The following DPP10 variants were observed in gnomAD, a reference collection of about 807,000 sequenced individuals.
DPP10 encodes the protein dipeptidyl peptidase like 10.
DPP10 carries 33 observed loss-of-function variants against 120.9 expected under a neutral mutation model. The observed-to-expected ratio is 0.27, with a 90% confidence interval of 0.21 to 0.37. The LOEUF (loss-of-function observed/expected upper bound fraction) is 0.37, where lower values mean the gene tolerates loss of function less well. Ranked by LOEUF, DPP10 falls within the 10% of genes least tolerant of loss-of-function variation. The probability of loss-of-function intolerance (pLI) is 1.00; values close to 1 mark genes in which losing one functional copy is unlikely to be tolerated. For missense variants in DPP10, 816 were observed against 942.8 expected (o/e 0.87, Z 1.76); for synonymous variants, 337 against 326.1 (o/e 1.03, Z -0.36).
At chr2:115,169,730 T>C (rs2053173979) in intron 1 of DPP10, among the ~76,000 whole-genome samples, 1 of 152,152 alleles carries the variant, frequency 6.6e-6, no homozygotes. Flanking sequence ...GAGTGCATAA[T>C]CAAAACCGAC....
At chr2:114,698,540 G>C (rs1559014550) in intron 1 of DPP10, among the ~76,000 whole-genome samples, 1 of 152,090 alleles carries the variant, frequency 6.6e-6, no homozygotes, top group East Asian at 1.9e-4. Context: ...CAATACAGGA[G>C]GGTCAAGGGG....
intron 1 of DPP10, among the ~76,000 whole-genome samples, chr2:114,649,892 A>G (rs1030051375): frequency 3.9e-5 from 6 of 151,934 alleles, no homozygotes; most frequent in African/African-American, 1.5e-4. Flanking sequence ...TGGATTCTCT[A>G]TGTTTTCCAC....
At chr2:115,623,721 TGAG>T (rs1199715458) in intron 5 of DPP10, among the ~76,000 whole-genome samples, 1 of 152,216 alleles carries the variant, frequency 6.6e-6, no homozygotes, top group Non-Finnish European at 1.5e-5. Context: ...TCTGTAGTTC[TGAG>T]GAGGAGACTC....
intron 1 of DPP10, among the ~76,000 whole-genome samples, chr2:115,142,653 C>T (rs1413584238): frequency 1.3e-5 from 2 of 152,170 alleles, no homozygotes; most frequent in Non-Finnish European, 2.9e-5. Context: ...GCTTCTTTGG[C>T]TTCTTAGGCT....
At chr2:114,671,809 T>C (rs1340329848) in intron 1 of DPP10, among the ~76,000 whole-genome samples, 1 of 152,158 alleles carries the variant, frequency 6.6e-6, no homozygotes, top group Non-Finnish European at 1.5e-5. Flanking sequence ...CATTGGTTTC[T>C]AGTTTCTTGT....
At chr2:115,167,415 A>C (rs1339279271) in intron 1 of DPP10, among the ~76,000 whole-genome samples, 1 of 151,646 alleles carries the variant, frequency 6.6e-6, no homozygotes, top group Non-Finnish European at 1.5e-5. Context: ...CAAACAAACA[A>C]AAAACAAAAA....
chr2:114,618,257 C>G (rs17715765), intron 1 of DPP10, among the ~76,000 whole-genome samples: 5,645 of 151,926 alleles, frequency 0.037, 180 homozygotes, highest in Middle Eastern at 0.061. Flanking sequence ...TGTTGAAATA[C>G]CAGACTTGAT....
chr2:115,016,203 T>C (rs1171549997), intron 1 of DPP10, among the ~76,000 whole-genome samples: 2 of 152,082 alleles, frequency 1.3e-5, no homozygotes, highest in East Asian at 3.9e-4. Context: ...TAATGCCACA[T>C]ATCTACAACC....
At chr2:114,581,542 A>G (rs79281101) in intron 1 of DPP10, among the ~76,000 whole-genome samples, 9,160 of 152,156 alleles carry the variant, frequency 0.06, 907 homozygotes, top group African/African-American at 0.21. Context: ...TGGAGATTCA[A>G]TGGACTTTTC....
chr2:114,940,710 G>A (rs974733436), intron 1 of DPP10, among the ~76,000 whole-genome samples: 3 of 152,046 alleles, frequency 2.0e-5, no homozygotes, highest in African/African-American at 4.8e-5. Flanking sequence ...AAATGAAAAC[G>A]TCAGGCTTTG....
rs572155605 is a variant in DPP10, at chr2:114,968,835, C to T, written c.61-340404C>T. Among the ~76,000 whole-genome samples, 87 of 152,264 alleles carry T rather than the reference C, an allele frequency of 5.7e-4. 1 individual carries two copies. The highest frequency in any genetic ancestry group is 1.8e-3 in the African/African-American group (74 of 41,550). ...ATTCAGATTCTTTCCCCAGAGTACC[C>T]TTGCAGTACCTGACAATATTTGCCT... On this transcript the variant is annotated intron_variant, in intron 1 of 25. Coordinates refer to ENST00000410059, the MANE Select transcript of DPP10 (RefSeq NM_020868.6).
intron 3 of DPP10, among the ~76,000 whole-genome samples, chr2:115,458,813 A>G (rs1558691535): frequency 6.6e-6 from 1 of 152,190 alleles, no homozygotes; most frequent in African/African-American, 2.4e-5. Context: ...ACATGTTTAT[A>G]TGTGATACTT....
chr2:114,713,331 T>G (rs1290274770), intron 1 of DPP10, among the ~76,000 whole-genome samples: 1 of 152,202 alleles, frequency 6.6e-6, no homozygotes, highest in East Asian at 1.9e-4. Context: ...AGTCTTTTAT[T>G]ATTTCCTTAA....
At chr2:114,469,269 A>C (rs1679696483) in intron 1 of DPP10, among the ~76,000 whole-genome samples, 1 of 152,232 alleles carries the variant, frequency 6.6e-6, no homozygotes, top group Admixed American at 6.5e-5. Context: ...TCAAGAGTGC[A>C]AAAGTTGCTC....
At chr2:114,784,382 C>T (rs2106208091) in intron 1 of DPP10, among the ~76,000 whole-genome samples, 1 of 152,190 alleles carries the variant, frequency 6.6e-6, no homozygotes. Flanking sequence ...CTACTTTTAC[C>T]TCTTTAAAAA....
At chr2:114,529,892 C>A (rs534929977) in intron 1 of DPP10, among the ~76,000 whole-genome samples, 1 of 152,190 alleles carries the variant, frequency 6.6e-6, no homozygotes, top group East Asian at 1.9e-4. Flanking sequence ...CTCTATGTGT[C>A]CATGTGTTCT....
chr2:114,553,625 A>G (rs1448287310), intron 1 of DPP10, among the ~76,000 whole-genome samples: 2 of 152,232 alleles, frequency 1.3e-5, no homozygotes, highest in African/African-American at 4.8e-5. Context: ...TGGACAGCAA[A>G]TAAGTTATAA....
chr2:115,667,175 C>T (rs1473156455), intron 5 of DPP10, among the ~76,000 whole-genome samples: 2 of 151,934 alleles, frequency 1.3e-5, no homozygotes, highest in Non-Finnish European at 2.9e-5. Flanking sequence ...TTGTTCATGT[C>T]CTTTGCTTAA....
intron 5 of DPP10, among the ~76,000 whole-genome samples, chr2:115,623,606 A>T (rs563323170): frequency 2.8e-4 from 43 of 152,308 alleles, no homozygotes; most frequent in Admixed American, 1.5e-3. Flanking sequence ...CTTACAATTT[A>T]TGGAAAGACT....
Sources: gnomAD v4.1 joint callset for allele counts (sites outside exome capture counted in the v4.1 genomes callset) on GRCh38, gnomAD v4.1.1 for gene constraint, MANE v1.5 for transcripts, NCBI Gene and HGNC (gene_info 2026-07-23, HGNC 2026-07-21) for gene names.